Variants in NEGR1 observed in about 807,000 individuals in gnomAD.
NEGR1 encodes the protein neuronal growth regulator 1.
A neutral mutation model predicts 40.9 loss-of-function variants in NEGR1; 10 were observed. The observed-to-expected ratio is 0.24, with a 90% CI of 0.15 to 0.42. The LOEUF (loss-of-function observed/expected upper bound fraction) is 0.42, where lower values mean the gene tolerates loss of function less well. Ranked by LOEUF, NEGR1 falls within the 10% of genes least tolerant of loss-of-function variation. The pLI is 1.00. For missense variants in NEGR1, 352 were observed against 438.9 expected, an observed-to-expected ratio of 0.80 and a Z score of 1.77; for synonymous variants, 185 against 166.8, an observed-to-expected ratio of 1.11 and a Z score of -0.84.
At chr1:71,791,650 C>T in intron 2 of NEGR1, among the ~76,000 whole-genome samples, 1 of 152,016 alleles carries the variant, frequency 6.6e-6, no homozygotes, top group East Asian at 1.9e-4. Flanking sequence ...GAATCAAAGG[C>T]ATGCTCTTGC....
At chr1:71,898,964 CATATATATATATATAGCATATATATAT>C (rs1470998671) in intron 2 of NEGR1, among the ~76,000 whole-genome samples, 47 of 95,934 alleles carry the variant, frequency 4.9e-4, no homozygotes, top group African/African-American at 2.0e-3. Flanking sequence ...ATATATATAG[CATATATATATATATAGCATATATATAT>C]ATATATATAT....
intron 1 of NEGR1, among the ~76,000 whole-genome samples, chr1:72,234,946 A>G (rs868847461): frequency 6.6e-6 from 1 of 152,146 alleles, no homozygotes; most frequent in African/African-American, 2.4e-5. Flanking sequence ...AATTCAGTCT[A>G]TTATGAAGAC....
At chr1:71,498,431 A>G (rs1646979005) in intron 6 of NEGR1, among the ~76,000 whole-genome samples, 2 of 152,072 alleles carry the variant, frequency 1.3e-5, no homozygotes, top group Non-Finnish European at 2.9e-5. Flanking sequence ...CTGGATATAA[A>G]GAAAAGGGAT....
intron 6 of NEGR1, among the ~76,000 whole-genome samples, chr1:71,561,011 T>C (rs1296716767): frequency 6.6e-6 from 1 of 151,634 alleles, no homozygotes; most frequent in South Asian, 2.1e-4. Flanking sequence ...TTTTATGTTC[T>C]GAAAAATTGG....
intron 2 of NEGR1, among the ~76,000 whole-genome samples, chr1:71,896,035 C>CTTTTTTTTTTTTTTTTTTTTTTTTT (rs71074810): frequency 9.0e-6 from 1 of 111,216 alleles, no homozygotes; most frequent in Non-Finnish European, 1.8e-5. Flanking sequence ...TAACGTTTAA[C>CTTTTTTTTTTTTTTTTTTTTTTTTT]TTTTTTTTTT....
intron 1 of NEGR1, among the ~76,000 whole-genome samples, chr1:71,974,903 A>G (rs1356362000): frequency 1.3e-5 from 2 of 152,208 alleles, no homozygotes; most frequent in African/African-American, 2.4e-5. Context: ...GAATAGCACA[A>G]TACTGAAAAT....
chr1:72,049,892 T>C (rs1647042276), intron 1 of NEGR1, among the ~76,000 whole-genome samples: 2 of 151,612 alleles, frequency 1.3e-5, no homozygotes, highest in African/African-American at 2.4e-5. Flanking sequence ...GCTAAGGTAA[T>C]GCATATCAGG....
chr1:71,454,294 T>C (rs1646654470), intron 6 of NEGR1, among the ~76,000 whole-genome samples: 1 of 152,196 alleles, frequency 6.6e-6, no homozygotes, highest in African/African-American at 2.4e-5. Flanking sequence ...GAGCTTATGG[T>C]GACTTTGTCT....
intron 6 of NEGR1, among the ~76,000 whole-genome samples, chr1:71,503,993 A>G (rs1172224004): frequency 6.6e-6 from 1 of 150,516 alleles, no homozygotes; most frequent in Non-Finnish European, 1.5e-5. Context: ...ACTAATAATT[A>G]AAGGGAACAA....
intron 1 of NEGR1, among the ~76,000 whole-genome samples, chr1:71,976,242 C>T (rs17092012): frequency 0.3 from 45,633 of 152,040 alleles, 7,670 homozygotes; most frequent in African/African-American, 0.46. Flanking sequence ...GAACTCACAT[C>T]GTCATATCAT....
intron 2 of NEGR1, among the ~76,000 whole-genome samples, chr1:71,917,726 G>C (rs996414345): frequency 6.7e-6 from 1 of 149,060 alleles, no homozygotes; most frequent in South Asian, 2.1e-4. Context: ...CTTGCAGTGA[G>C]CCCAGATTGC....
intron 6 of NEGR1, among the ~76,000 whole-genome samples, chr1:71,493,365 T>C (rs1157480281): frequency 6.6e-6 from 1 of 152,018 alleles, no homozygotes; most frequent in Non-Finnish European, 1.5e-5. Flanking sequence ...GGAAGCCCAA[T>C]TTTTCAAAAA....
chr1:71,440,483 G>T (rs1354438965), intron 6 of NEGR1, among the ~76,000 whole-genome samples: 1 of 152,190 alleles, frequency 6.6e-6, no homozygotes, highest in Non-Finnish European at 1.5e-5. Context: ...TAAACAAAAT[G>T]TTGTAATAAT....
chr1:72,021,806 C>T (rs188696598), intron 1 of NEGR1, among the ~76,000 whole-genome samples: 3 of 152,136 alleles, frequency 2.0e-5, no homozygotes, highest in African/African-American at 7.2e-5. Flanking sequence ...AGTCACTTGG[C>T]GAATTGATAA....
intron 2 of NEGR1, among the ~76,000 whole-genome samples, chr1:71,813,250 A>G (rs1050674297): frequency 3.3e-5 from 5 of 151,862 alleles, no homozygotes; most frequent in Non-Finnish European, 7.4e-5. Flanking sequence ...GTAGATGTGC[A>G]GTCTTCTTTC....
In NEGR1 at chr1:71,698,073, T is replaced by A. The variant is rs1359209096; in HGVS notation, c.602A>T (p.Tyr201Phe). The A allele has an allele frequency of 6.2e-7, 1 of 1,611,398 alleles. No homozygotes were observed. Residue 201 changes from tyrosine to phenylalanine, a missense_variant, in exon 4 of 7, where the codon TAT becomes TTT. Physicochemically the swap from Tyr to Phe is conservative, Grantham distance 22. Coordinates refer to ENST00000357731, the MANE Select transcript of NEGR1 (RefSeq NM_173808.3). The part of the protein sequence containing the change: ...YGITRDQAGE[Y>F]ECSAENDVSF... The stretch of plus-strand genomic sequence containing the variant: ...CACATCATTTTCCGCACTGCATTCA[T>A]ATTCCCCAGCCTGGTCCCTTGTAAT...
chr1:72,012,128 T>C (rs1157154492), intron 1 of NEGR1, among the ~76,000 whole-genome samples: 2 of 152,086 alleles, frequency 1.3e-5, no homozygotes, highest in Non-Finnish European at 2.9e-5. Flanking sequence ...TATTAGTATG[T>C]TAGAATAAAT....
chr1:71,809,347 C>A (rs1388256214), intron 2 of NEGR1, among the ~76,000 whole-genome samples: 1 of 152,158 alleles, frequency 6.6e-6, no homozygotes, highest in Non-Finnish European at 1.5e-5. Flanking sequence ...CTAGCTATGT[C>A]ATTTATCTTG....
At chr1:71,654,757 G>C (rs981931911) in intron 4 of NEGR1, among the ~76,000 whole-genome samples, 2 of 152,146 alleles carry the variant, frequency 1.3e-5, no homozygotes, top group Non-Finnish European at 2.9e-5. Flanking sequence ...TTTAAAACAA[G>C]TGGATACATT....
Sources: gnomAD v4.1 joint callset for allele counts (sites outside exome capture counted in the v4.1 genomes callset) on GRCh38, gnomAD v4.1.1 for gene constraint, MANE v1.5 for transcripts, NCBI Gene and HGNC (gene_info 2026-07-23, HGNC 2026-07-21) for gene names.